RGS6: variants seen among roughly 807,000 people sequenced by gnomAD.
RGS6 encodes regulator of G-protein signaling 6.
RGS6 carries 30 observed loss-of-function variants against 78.5 expected under a neutral mutation model. That is an observed-to-expected ratio of 0.38 (90% CI 0.29 to 0.52). The LOEUF is 0.52. Among genes scored for constraint, RGS6 ranks in the 20% least tolerant of loss-of-function variants. The pLI is 0.85. For missense variants in RGS6, 495 were observed against 609.7 expected, an observed-to-expected ratio of 0.81 and a Z score of 1.98; for synonymous variants, 206 against 206.0, an observed-to-expected ratio of 1.00 and a Z score of 0.00.
chr14:72,249,661 A>T (rs1317796039), intron 2 of RGS6, among the ~76,000 whole-genome samples: 4 of 152,166 alleles, frequency 2.6e-5, no homozygotes, highest in Non-Finnish European at 5.9e-5. Flanking sequence ...ATCAATTTGC[A>T]ATTGTATTTT....
chr14:72,607,819 G>T, the RGS6 span, among the ~76,000 whole-genome samples: 8 of 152,310 alleles, frequency 5.3e-5, no homozygotes, highest in African/African-American at 1.9e-4. Flanking sequence ...CTCTCCCACT[G>T]CAGAGATGGC....
intron 2 of RGS6, among the ~76,000 whole-genome samples, chr14:72,112,208 C>T (rs2095783662): frequency 6.6e-6 from 1 of 152,206 alleles, no homozygotes; most frequent in Non-Finnish European, 1.5e-5. Flanking sequence ...AGCAGCACCT[C>T]ACCCTCTCCA....
chr14:72,465,898 T>A, intron 7 of RGS6, 76 bp downstream of exon 7: 2 of 1,240,890 alleles, frequency 1.6e-6, no homozygotes. Flanking sequence ...AAGTTTATTT[T>A]TTTTTTCTTT....
At chr14:72,512,161 C>G (rs1598518068) in intron 14 of RGS6, among the ~76,000 whole-genome samples, 1 of 152,126 alleles carries the variant, frequency 6.6e-6, no homozygotes. Context: ...TATAGAGGCC[C>G]CCTTTACCTA....
intron 2 of RGS6, among the ~76,000 whole-genome samples, chr14:72,123,763 T>C (rs932901382): frequency 1.3e-5 from 2 of 152,212 alleles, no homozygotes; most frequent in Admixed American, 1.3e-4. Context: ...AAGCACGTTA[T>C]GGAAAGCAAG....
At chr14:72,404,292 G>A (rs1291604934) in intron 3 of RGS6, among the ~76,000 whole-genome samples, 1 of 152,218 alleles carries the variant, frequency 6.6e-6, no homozygotes, top group Non-Finnish European at 1.5e-5. Context: ...AGGCTATGAA[G>A]CTGTGGGAGA....
At chr14:72,120,204 A>G (rs2096011846) in intron 2 of RGS6, among the ~76,000 whole-genome samples, 1 of 152,242 alleles carries the variant, frequency 6.6e-6, no homozygotes, top group Admixed American at 6.5e-5. Flanking sequence ...GATACTATTA[A>G]GGAATGATAG....
chr14:72,451,616 C>G (rs1191961343), intron 3 of RGS6, among the ~76,000 whole-genome samples: 2 of 151,986 alleles, frequency 1.3e-5, no homozygotes, highest in East Asian at 3.9e-4. Flanking sequence ...TGTCATTGTC[C>G]CAGGGTGAGT....
intron 1 of RGS6, among the ~76,000 whole-genome samples, chr14:71,944,892 A>G (rs773558092): frequency 2.0e-5 from 3 of 152,170 alleles, no homozygotes; most frequent in Non-Finnish European, 2.9e-5. Flanking sequence ...TAGTGCTCCT[A>G]GGCTACAAAC....
intron 2 of RGS6, among the ~76,000 whole-genome samples, chr14:72,322,803 C>T (rs2072466272): frequency 1.3e-5 from 2 of 152,012 alleles, no homozygotes; most frequent in South Asian, 4.1e-4. Context: ...TTATCATCTC[C>T]ATAAATACTT....
chr14:71,964,743 C>G (rs974774396), intron 1 of RGS6, 29 bp from the exon 2 acceptor site: 3 of 1,481,688 alleles, frequency 2.0e-6, no homozygotes, highest in African/African-American at 2.8e-5. Flanking sequence ...TCCTTCGTGA[C>G]TTAATGGTTT....
At chr14:72,535,690 C>T (rs56180067) in intron 15 of RGS6, among the ~76,000 whole-genome samples, 2,089 of 152,340 alleles carry the variant, frequency 0.014, 53 homozygotes, top group African/African-American at 0.048. Flanking sequence ...AACCACACCT[C>T]CCTTGCTCCC....
chr14:71,892,735 T>A, the RGS6 span, among the ~76,000 whole-genome samples: 1 of 152,260 alleles, frequency 6.6e-6, no homozygotes, highest in Non-Finnish European at 1.5e-5. Context: ...ATTTAATAAA[T>A]GATGAATCGT....
intron 13 of RGS6, among the ~76,000 whole-genome samples, chr14:72,506,392 T>A (rs1044112254): frequency 1.3e-5 from 2 of 152,240 alleles, no homozygotes; most frequent in African/African-American, 2.4e-5. Context: ...GAGGGACAGT[T>A]ATTGTACCAC....
intron 13 of RGS6, among the ~76,000 whole-genome samples, chr14:72,499,376 T>G (rs1463306570): frequency 1.3e-5 from 2 of 152,204 alleles, no homozygotes. Flanking sequence ...TGGAACCTGA[T>G]CCATGTTCCT....
intron 2 of RGS6, among the ~76,000 whole-genome samples, chr14:72,260,923 C>A (rs1357545213): frequency 6.6e-6 from 1 of 152,216 alleles, no homozygotes; most frequent in African/African-American, 2.4e-5. Context: ...TGGGGCCAAG[C>A]AACATCAGGA....
intron 2 of RGS6, among the ~76,000 whole-genome samples, chr14:72,270,360 A>C (rs1005223754): frequency 6.6e-6 from 1 of 152,212 alleles, no homozygotes; most frequent in African/African-American, 2.4e-5. Flanking sequence ...AGAAAGAAAG[A>C]GGAAATAAAA....
chr14:71,886,235 C>G, the RGS6 span, among the ~76,000 whole-genome samples: 1 of 152,190 alleles, frequency 6.6e-6, no homozygotes, highest in Admixed American at 6.5e-5. Context: ...GGTAAAGTAG[C>G]TTCATCCTTA....
At chr14:72,597,113 C>T in the RGS6 span, among the ~76,000 whole-genome samples, 6 of 152,068 alleles carry the variant, frequency 3.9e-5, no homozygotes, top group Non-Finnish European at 7.4e-5. Flanking sequence ...GTGGCGTGCA[C>T]CTGTAATCCC....
Sources: allele counts gnomAD v4.1 joint callset (sites outside exome capture counted in the v4.1 genomes callset), GRCh38; gene constraint gnomAD v4.1.1; transcripts MANE v1.5; gene names NCBI Gene and HGNC (gene_info 2026-07-23, HGNC 2026-07-21).